Variants in SIK3 observed in about 807,000 individuals in gnomAD.
The protein encoded by SIK3 is serine/threonine-protein kinase SIK3.
A neutral mutation model predicts 144.2 loss-of-function variants in SIK3; 28 were observed. The ratio of observed to expected loss-of-function variants is 0.19; its 90% CI spans 0.14 to 0.27. The LOEUF is 0.27. Ranked by LOEUF, SIK3 falls within the 10% of genes least tolerant of loss-of-function variation. The pLI is 1.00. For synonymous variants in SIK3, 686 were observed against 676.3 expected (o/e 1.01, Z -0.22); for missense variants, 1,319 against 1,776.0 (o/e 0.74, Z 4.62).
At chr11:117,004,182 C>T (rs1267515540) in intron 1 of SIK3, among the ~76,000 whole-genome samples, 2 of 152,120 alleles carry the variant, frequency 1.3e-5, no homozygotes, top group African/African-American at 4.8e-5. Flanking sequence ...CACTGACAGG[C>T]AAGTTCAATG....
At chr11:116,899,818 T>C (rs935590550) in intron 4 of SIK3, among the ~76,000 whole-genome samples, 2 of 152,180 alleles carry the variant, frequency 1.3e-5, no homozygotes, top group Admixed American at 6.5e-5. Context: ...AGGGACACCA[T>C]GCTCCCTGAA....
At chr11:116,890,145 T>C (rs1945027498) in intron 6 of SIK3, among the ~76,000 whole-genome samples, 1 of 152,004 alleles carries the variant, frequency 6.6e-6, no homozygotes, top group Non-Finnish European at 1.5e-5. Context: ...CTTATTATGG[T>C]CAAGTGGTGA....
chr11:116,964,815 G>C (rs1949467619), intron 1 of SIK3, among the ~76,000 whole-genome samples: 1 of 152,144 alleles, frequency 6.6e-6, no homozygotes, highest in Admixed American at 6.5e-5. Flanking sequence ...CCAGGAGGCG[G>C]AGGTTGCAGT....
intron 1 of SIK3, among the ~76,000 whole-genome samples, chr11:117,013,607 G>GAC (rs1342003470): frequency 6.6e-6 from 1 of 151,684 alleles, no homozygotes; most frequent in African/African-American, 2.4e-5. Context: ...ACACAGAAAG[G>GAC]ACACACGACT....
chr11:116,936,926 T>C (rs556663521), intron 3 of SIK3, among the ~76,000 whole-genome samples: 2 of 152,340 alleles, frequency 1.3e-5, no homozygotes, highest in Non-Finnish European at 2.9e-5. Flanking sequence ...CATCCCCAGC[T>C]GAACTTTGGA....
chr11:116,930,311 G>A (rs1006486216), intron 3 of SIK3, among the ~76,000 whole-genome samples: 1 of 152,100 alleles, frequency 6.6e-6, no homozygotes, highest in African/African-American at 2.4e-5. Flanking sequence ...TCTAGTGGGT[G>A]TGCCAGGAAG....
intron 1 of SIK3, among the ~76,000 whole-genome samples, chr11:117,068,673 G>A (rs573526319): frequency 2.6e-5 from 4 of 152,286 alleles, no homozygotes; most frequent in East Asian, 1.9e-4. Flanking sequence ...AGGCTGCAGC[G>A]AGCCCAAGCG....
intron 1 of SIK3, among the ~76,000 whole-genome samples, chr11:117,037,900 CCT>C (rs1424555910): frequency 6.6e-6 from 1 of 152,172 alleles, no homozygotes; most frequent in Non-Finnish European, 1.5e-5. Flanking sequence ...AAGCACCTTT[CCT>C]CTGTTTTCAC....
intron 1 of SIK3, among the ~76,000 whole-genome samples, chr11:116,965,734 A>AATATATATACAT (rs1949505761): frequency 6.8e-5 from 8 of 118,378 alleles, no homozygotes; most frequent in African/African-American, 2.9e-4. Context: ...TCTCTGCTAA[A>AATATATATACAT]ATATATATAT....
At chr11:116,900,276 C>T (rs1409425210) in intron 4 of SIK3, among the ~76,000 whole-genome samples, 1 of 152,192 alleles carries the variant, frequency 6.6e-6, no homozygotes, top group Admixed American at 6.5e-5. Flanking sequence ...CCCATTTCAA[C>T]CTGGTAATAA....
At chr11:116,877,337 T>G (rs1055738102) in intron 6 of SIK3, among the ~76,000 whole-genome samples, 1 of 152,220 alleles carries the variant, frequency 6.6e-6, no homozygotes, top group Admixed American at 6.5e-5. Context: ...ATTTATATTA[T>G]GTATATGGCC....
intron 3 of SIK3, among the ~76,000 whole-genome samples, chr11:116,929,596 C>T (rs1464001572): frequency 6.6e-6 from 1 of 152,190 alleles, no homozygotes; most frequent in Admixed American, 6.5e-5. Context: ...TGTTTTATCT[C>T]TACAGTGACA....
At chr11:116,926,297 A>C (rs1239219958) in intron 4 of SIK3, among the ~76,000 whole-genome samples, 1 of 152,212 alleles carries the variant, frequency 6.6e-6, no homozygotes, top group Non-Finnish European at 1.5e-5. Context: ...TTCTCTATAG[A>C]TTGCAGTCAC....
At chr11:116,999,353 G>A (rs1005087205) in intron 1 of SIK3, among the ~76,000 whole-genome samples, 4 of 152,110 alleles carry the variant, frequency 2.6e-5, no homozygotes, top group African/African-American at 9.7e-5. Flanking sequence ...AAACTTAAAT[G>A]TCTGACTTTT....
chr11:116,910,874 G>A (rs910235087), intron 4 of SIK3, among the ~76,000 whole-genome samples: 6 of 152,166 alleles, frequency 3.9e-5, no homozygotes, highest in Admixed American at 1.3e-4. Flanking sequence ...TTCCCTGTAC[G>A]TTCAAAAGGT....
At chr11:116,980,664 G>A (rs1591471804) in intron 1 of SIK3, among the ~76,000 whole-genome samples, 1 of 152,084 alleles carries the variant, frequency 6.6e-6, no homozygotes, top group African/African-American at 2.4e-5. Flanking sequence ...ACCAGCCTGG[G>A]CAACATGGTA....
intron 1 of SIK3, among the ~76,000 whole-genome samples, chr11:116,963,486 A>T (rs1417386727): frequency 6.6e-6 from 1 of 152,246 alleles, no homozygotes; most frequent in African/African-American, 2.4e-5. Flanking sequence ...CAATTGCAGC[A>T]TCATACATAG....
intron 6 of SIK3, among the ~76,000 whole-genome samples, chr11:116,895,958 T>A (rs1591257830): frequency 6.6e-6 from 1 of 152,230 alleles, no homozygotes; most frequent in Non-Finnish European, 1.5e-5. Context: ...CATTATCTCA[T>A]TTAATCCTTA....
intron 1 of SIK3, among the ~76,000 whole-genome samples, chr11:117,004,222 A>G (rs1950958835): frequency 6.6e-6 from 1 of 152,118 alleles, no homozygotes; most frequent in South Asian, 2.1e-4. Context: ...AGGTTGATAA[A>G]GGTAACTAAA....
Sources: gnomAD v4.1 joint callset for allele counts (sites outside exome capture counted in the v4.1 genomes callset) on GRCh38, gnomAD v4.1.1 for gene constraint, MANE v1.5 for transcripts, NCBI Gene and HGNC (gene_info 2026-07-23, HGNC 2026-07-21) for gene names.